Variants in NAV2 observed in about 807,000 individuals in gnomAD.
NAV2 encodes the protein helicase, APC down-regulated 1.
In NAV2, 54 loss-of-function variants were observed where a neutral mutation model predicts 223.2. The observed-to-expected ratio is 0.24, with a 90% CI of 0.19 to 0.30. The LOEUF (loss-of-function observed/expected upper bound fraction) is 0.30, where lower values mean the gene tolerates loss of function less well. Among genes scored for constraint, NAV2 ranks in the 10% least tolerant of loss-of-function variants. The probability of loss-of-function intolerance (pLI) is 1.00; values close to 1 mark genes in which losing one functional copy is unlikely to be tolerated. For synonymous variants in NAV2, 1,279 were observed against 1,239.3 expected, an observed-to-expected ratio of 1.03 and a Z score of -0.67; for missense variants, 2,806 against 3,147.5, an observed-to-expected ratio of 0.89 and a Z score of 2.60.
intron 5 of NAV2, among the ~76,000 whole-genome samples, chr11:19,884,604 G>T (rs138414776): frequency 7.2e-5 from 11 of 152,280 alleles, no homozygotes; most frequent in African/African-American, 2.6e-4. Flanking sequence ...TGTACATGAC[G>T]TTTCGCATTT....
intron 11 of NAV2, among the ~76,000 whole-genome samples, chr11:20,021,715 C>T (rs1206140600): frequency 4.6e-5 from 7 of 152,134 alleles, no homozygotes; most frequent in Admixed American, 4.6e-4. Flanking sequence ...CCACTCCCCA[C>T]GGCAGATGCC....
Position 20,073,766 on chromosome 11 carries a change from G to A in NAV2, c.4984-3786G>A, listed in dbSNP as rs2059551696. Among the ~76,000 whole-genome samples the A allele has an allele frequency of 3.3e-5, 5 of 152,234 alleles. No homozygotes were observed. The South Asian group carries it at 1.0e-3, about 32-fold the overall frequency. ...CTCTGATGGTAGTTTGTATTTCTGTGGGATTGGTGGTGATATCCCCTTTAT... is the reference window on the plus strand; with the variant it reads ...CTCTGATGGTAGTTTGTATTTCTGTAGGATTGGTGGTGATATCCCCTTTAT... On this transcript the variant is annotated intron_variant, in intron 22 of 37. Transcript: ENST00000349880.
intron 1 of NAV2, among the ~76,000 whole-genome samples, chr11:19,362,472 A>G (rs570839189): frequency 4.7e-4 from 72 of 152,344 alleles, no homozygotes; most frequent in African/African-American, 1.6e-3. Context: ...AACCACGATC[A>G]TTAACTTTTT....
At position 19,515,745 on chromosome 11, in the gene NAV2, C is replaced by T. The variant is rs552574850; in HGVS notation, c.75+164718C>T. 3.1e-3 allele frequency among the ~76,000 whole-genome samples: 477 copies of T among 152,246 alleles called. 3 individuals are homozygous for T. The highest frequency in any genetic ancestry group is 0.014 in the Middle Eastern group (4 of 294). ...AAATAACTCTGTAAGGCAGTTACTG[C>T]GATTCAGGAAGTGATGCTGGAGGCT... On this transcript the variant is annotated intron_variant, in intron 1 of 37. Transcript: ENST00000360655.
intron 12 of NAV2, among the ~76,000 whole-genome samples, chr11:20,037,396 A>G (rs2056494506): frequency 6.6e-6 from 1 of 151,490 alleles, no homozygotes. Flanking sequence ...GATGTATCAG[A>G]GTGTGGGAGT....
At chr11:19,945,662 G>T (rs1264913607) in intron 8 of NAV2, among the ~76,000 whole-genome samples, 1 of 152,152 alleles carries the variant, frequency 6.6e-6, no homozygotes, top group Non-Finnish European at 1.5e-5. Context: ...TTTCTTACAG[G>T]CTCCCTGCTC....
intron 31 of NAV2, 119 bp from the exon 32 acceptor site, chr11:20,100,818 A>C: frequency 1.3e-6 from 1 of 770,252 alleles, no homozygotes; most frequent in South Asian, 1.7e-5. Context: ...CAGGAGTCTC[A>C]GGTGAGTGGA....
At chr11:19,679,431 A>AAAAAAAAAAAAAAAC (rs2048817156) in intron 1 of NAV2, among the ~76,000 whole-genome samples, 2 of 50,164 alleles carry the variant, frequency 4.0e-5, no homozygotes, top group Non-Finnish European at 1.7e-4. Context: ...ACTCTGTCTC[A>AAAAAAAAAAAAAAAC]AAAAAACACA....
chr11:19,361,792 GA>G (rs113496534), intron 1 of NAV2, among the ~76,000 whole-genome samples: 3 of 152,012 alleles, frequency 2.0e-5, no homozygotes, highest in South Asian at 2.1e-4. Context: ...TACGGTAATT[GA>G]AAAAAAATCT....
chr11:19,753,587 A>G lies in NAV2; in HGVS notation c.267+39625A>G, dbSNP rs373406369. ...TCTGTCATTGCATTAGTCAGACTAT[A>G]CTGTATTTGTCTGCTCATTGGTCTC... On this transcript the variant is annotated intron_variant, in intron 1 of 37. Coordinates refer to ENST00000349880, the MANE Select transcript of NAV2 (RefSeq NM_145117.5). 2.6e-5 allele frequency among the ~76,000 whole-genome samples: 4 copies of G among 152,292 alleles called. No homozygotes were observed. The South Asian group carries it at 6.2e-4, about 24-fold the overall frequency.
chr11:20,058,684 G>C (rs1591903609), intron 19 of NAV2, among the ~76,000 whole-genome samples: 1 of 152,160 alleles, frequency 6.6e-6, no homozygotes, highest in African/African-American at 2.4e-5. Context: ...TTGCTGAAGT[G>C]GTTCAAATCC....
At chr11:19,981,824 G>T (rs919162862) in intron 10 of NAV2, among the ~76,000 whole-genome samples, 2 of 152,160 alleles carry the variant, frequency 1.3e-5, no homozygotes, top group African/African-American at 4.8e-5. Flanking sequence ...GTGGCTGGAT[G>T]GATGGATGAT....
intron 36 of NAV2, among the ~76,000 whole-genome samples, chr11:20,112,446 CAG>C (rs1374161679): frequency 6.6e-6 from 1 of 152,128 alleles, no homozygotes; most frequent in Non-Finnish European, 1.5e-5. Flanking sequence ...GCCACGAATA[CAG>C]AGAGATGGGC....
At chr11:19,815,855 A>C (rs1358607277) in intron 1 of NAV2, among the ~76,000 whole-genome samples, 6 of 152,204 alleles carry the variant, frequency 3.9e-5, no homozygotes, top group African/African-American at 1.4e-4. Flanking sequence ...TATAAATGGT[A>C]AGCACTGCAG....
Position 19,869,008 on chromosome 11 carries a change from G to A in NAV2, c.511+11G>A, listed in dbSNP as rs1014012231. On this transcript the variant is annotated intron_variant, in intron 4 of 37. Transcript: ENST00000349880. The stretch of plus-strand genomic sequence containing the variant: ...GGCTGTCTGCAGAAGGTGAGTCAGA[G>A]CGCTTGTCACGAAGCTGCCTCTTCA... 1.9e-6 allele frequency: 3 copies of A among 1,613,390 alleles called. No homozygotes were observed. Among genetic ancestry groups the A allele is most frequent in the African/African-American group, 2.7e-5 (2 of 74,910 alleles).
chr11:19,761,766 C>T (rs753471145), intron 1 of NAV2, among the ~76,000 whole-genome samples: 1 of 152,188 alleles, frequency 6.6e-6, no homozygotes, highest in South Asian at 2.1e-4. Context: ...CTAATCCTAC[C>T]CTCATCCTCA....
chr11:19,648,011 G>A (rs2047865299), intron 1 of NAV2, among the ~76,000 whole-genome samples: 2 of 152,298 alleles, frequency 1.3e-5, no homozygotes, highest in South Asian at 2.1e-4. Flanking sequence ...TGTGGGACAG[G>A]CTTCTCTGTA....
chr11:19,998,998 G>A lies in NAV2; in HGVS notation c.2768+14751G>A, dbSNP rs542667561. On this transcript the variant is annotated intron_variant, in intron 11 of 37. Coordinates refer to ENST00000349880, the MANE Select transcript of NAV2 (RefSeq NM_145117.5). This position sits in a 1 kb window ranked among gnomAD's most constrained non-coding sequence, Gnocchi z 5.0. ...TCTCCCAGCACAGGGCCCGTCCAGA[G>A]AGGGTGCTTATTACATATACCATGA... Among the ~76,000 whole-genome samples the A allele has an allele frequency of 6.6e-6, 1 of 152,232 alleles. No individual in the cohort carries two copies. Among genetic ancestry groups the A allele is most frequent in the Non-Finnish European group, 1.5e-5 (1 of 68,040 alleles).
At chr11:20,058,081 AAAAAT>A (rs2058476147) in intron 19 of NAV2, among the ~76,000 whole-genome samples, 1 of 152,248 alleles carries the variant, frequency 6.6e-6, no homozygotes, top group Admixed American at 6.5e-5. Context: ...TATTACATTC[AAAAAT>A]AAAATAGAGT....
Sources: allele counts gnomAD v4.1 joint callset (sites outside exome capture counted in the v4.1 genomes callset), GRCh38; gene constraint gnomAD v4.1.1; non-coding constraint Gnocchi (gnomAD v3.1); transcripts MANE v1.5; gene names NCBI Gene and HGNC (gene_info 2026-07-23, HGNC 2026-07-21).